LRRC9: variants seen among roughly 807,000 people sequenced by gnomAD.
The protein encoded by LRRC9 is leucine-rich repeat-containing protein 9.
In LRRC9, 122 loss-of-function variants were observed where a neutral mutation model predicts 63.2. The ratio of observed to expected loss-of-function variants is 1.93; its 90% CI spans 1.67 to 2.24. The LOEUF (loss-of-function observed/expected upper bound fraction) is 2.24. Among genes scored for constraint, LRRC9 ranks in the 30% most tolerant of loss-of-function variants. LRRC9 has a pLI of 0.00. For missense variants in LRRC9, 1,071 were observed against 627.7 expected (o/e 1.71, Z -7.55); for synonymous variants, 366 against 213.1 (o/e 1.72, Z -6.25).
At position 59,924,458 on chromosome 14, in the gene LRRC9, G is replaced by A. The variant is rs564828755; in HGVS notation, c.-33-3453G>A. ...TGGAGTAAAGATGAAATTGCCAATG[G>A]GAAGCAGGGAAGGAATGCGCGGCAT... is the stretch of plus-strand genomic sequence containing the variant. On this transcript the variant is annotated intron_variant, in intron 1 of 31. Transcript: ENST00000445360. Among the ~76,000 whole-genome samples, 57 of 152,160 alleles carry A rather than the reference G, an allele frequency of 3.7e-4. 1 individual carries two copies. In the South Asian group the frequency reaches 0.012, roughly 32 times the overall value.
intron 3 of LRRC9, 98 bp downstream of exon 3, chr14:59,928,584 A>G: frequency 2.3e-6 from 1 of 439,726 alleles, no homozygotes. Flanking sequence ...GGCATGGGTT[A>G]AGACAGATAA....
At chr14:59,973,271 T>G (rs563876181) in intron 12 of LRRC9, among the ~76,000 whole-genome samples, 1 of 152,230 alleles carries the variant, frequency 6.6e-6, no homozygotes, top group South Asian at 2.1e-4. Flanking sequence ...GCCTTGTATT[T>G]TTTAAATTAT....
chr14:60,025,623 G>T (rs1463931952), intron 27 of LRRC9, among the ~76,000 whole-genome samples: 1 of 149,094 alleles, frequency 6.7e-6, no homozygotes, highest in African/African-American at 2.5e-5. Context: ...TACATAGATT[G>T]TCATATTTAA....
At position 60,055,080 on chromosome 14, in the gene LRRC9, CTT is replaced by C. The variant is rs932210053; in HGVS notation, c.4131+1878_4131+1879del. On this transcript the variant is annotated intron_variant, in intron 30 of 31. Transcript: ENST00000445360. ...CGGCCCCCTTACTTTTTTATTAACT[CTT>C]TTAAAATTAATCTTGACATTTTTTG... 2.6e-5 allele frequency among the ~76,000 whole-genome samples: 4 copies of C among 152,256 alleles called. No homozygotes were observed. In the South Asian group the frequency reaches 6.2e-4, roughly 24 times the overall value.
intron 17 of LRRC9, among the ~76,000 whole-genome samples, chr14:59,994,612 A>G (rs1480307201): frequency 6.6e-6 from 1 of 152,224 alleles, no homozygotes; most frequent in East Asian, 1.9e-4. Flanking sequence ...GAACCAACCC[A>G]AATGTCCAAC....
At chr14:59,989,232 T>A (rs1406732409) in intron 17 of LRRC9, among the ~76,000 whole-genome samples, 1 of 152,104 alleles carries the variant, frequency 6.6e-6, no homozygotes, top group Non-Finnish European at 1.5e-5. Flanking sequence ...TTGAATTTTT[T>A]AATCAATTTT....
At chr14:59,921,546 G>T (rs149913200) in intron 1 of LRRC9, among the ~76,000 whole-genome samples, 1 of 152,114 alleles carries the variant, frequency 6.6e-6, no homozygotes, top group Non-Finnish European at 1.5e-5. Flanking sequence ...TCAAAGATTG[G>T]TTGAGGATAA....
At chr14:60,048,447 G>A (rs1893617758) in intron 29 of LRRC9, among the ~76,000 whole-genome samples, 1 of 152,016 alleles carries the variant, frequency 6.6e-6, no homozygotes, top group East Asian at 1.9e-4. Context: ...ATCTAAAATT[G>A]TAAGGGGAAT....
At chr14:60,045,299 T>C (rs189526574) in intron 29 of LRRC9, among the ~76,000 whole-genome samples, 6 of 152,292 alleles carry the variant, frequency 3.9e-5, no homozygotes, top group Admixed American at 3.3e-4. Context: ...CAGGAGTACA[T>C]GTGCAGGATG....
intron 12 of LRRC9, among the ~76,000 whole-genome samples, chr14:59,969,603 G>A (rs572422357): frequency 6.6e-6 from 1 of 152,272 alleles, no homozygotes; most frequent in African/African-American, 2.4e-5. Flanking sequence ...ACAGGCAGAG[G>A]GCTGGCCATA....
chr14:59,935,037 TC>T (rs1434662679), intron 6 of LRRC9, among the ~76,000 whole-genome samples: 2 of 150,976 alleles, frequency 1.3e-5, no homozygotes, highest in Admixed American at 6.6e-5. Context: ...TATAATCCTG[TC>T]ACTTTGGGAG....
In LRRC9 at chr14:59,938,875, A is replaced by G. The variant is rs1307490684; in HGVS notation, c.726+303A>G. On this transcript the variant is annotated intron_variant, in intron 7 of 31. Transcript: ENST00000445360. The surrounding 1 kb of genome is among the most constrained non-coding windows in gnomAD (Gnocchi z 4.2). ...TTAAAAATAGACTAGTGCCATATAT[A>G]TATACACACATATATACACATATAT... Among the ~76,000 whole-genome samples the G allele has an allele frequency of 6.8e-6, 1 of 147,158 alleles. No homozygotes were observed. The highest frequency in any genetic ancestry group is 1.5e-5 in the Non-Finnish European group (1 of 67,126).
intron 31 of LRRC9, 60 bp downstream of exon 32, chr14:60,062,239 T>C: frequency 5.0e-6 from 2 of 397,708 alleles, no homozygotes; most frequent in Non-Finnish European, 8.9e-6. Context: ...GTACTCTCCA[T>C]ATTTGCTAGT....
At position 59,962,415 on chromosome 14, in the gene LRRC9, T is replaced by C. The variant is rs1884439987; in HGVS notation, c.1211+1370T>C. On this transcript the variant is annotated intron_variant, in intron 10 of 31. Coordinates refer to ENST00000445360, the Ensembl canonical transcript of LRRC9. The surrounding 1 kb of genome is among the most constrained non-coding windows in gnomAD (Gnocchi z 5.1). ...TTCACTCAACCTAAACAGGATTTTT[T>C]TTTTTTGAGATAGAGTCTCGCTGTG... Among the ~76,000 whole-genome samples, 1 of 152,148 alleles carries C rather than the reference T, an allele frequency of 6.6e-6. No homozygotes were observed. Among genetic ancestry groups the C allele is most frequent in the African/African-American group, 2.4e-5 (1 of 41,420 alleles).
At chr14:59,957,296 C>T (rs1416878950) in intron 8 of LRRC9, among the ~76,000 whole-genome samples, 1 of 152,112 alleles carries the variant, frequency 6.6e-6, no homozygotes, top group Non-Finnish European at 1.5e-5. Flanking sequence ...TTCACATAGT[C>T]CCATATTTCT....
intron 23 of LRRC9, among the ~76,000 whole-genome samples, chr14:60,010,809 G>A (rs1168661377): frequency 1.3e-5 from 2 of 152,280 alleles, no homozygotes; most frequent in Non-Finnish European, 2.9e-5. Flanking sequence ...TGCATAGCAA[G>A]AGTGATCTTT....
Position 60,003,470 on chromosome 14 carries a change from T to G in LRRC9, c.2665-151T>G. 3.7e-6 allele frequency: 2 copies of G among 533,794 alleles called. No homozygotes were observed. Among genetic ancestry groups the G allele is most frequent in the Non-Finnish European group, 3.3e-6 (1 of 306,510 alleles). 33.1% of individuals were successfully genotyped at this position (533,794 alleles called of 1,614,324 possible). ...CGTCAAATTTTACTTTTCTGTAAAC[T>G]GACAGCTTCACAATATCTTTAGCTC... On this transcript the variant is annotated intron_variant, in intron 20 of 31. Transcript: ENST00000445360. This position sits in a 1 kb window ranked among gnomAD's most constrained non-coding sequence, Gnocchi z 4.2.
chr14:60,005,667 T>C (rs1889750448), intron 21 of LRRC9, among the ~76,000 whole-genome samples: 1 of 152,152 alleles, frequency 6.6e-6, no homozygotes, highest in Non-Finnish European at 1.5e-5. Flanking sequence ...TTTCCAAACA[T>C]TATTCCATTT....
rs999918069 is a variant in LRRC9 at position 60,053,179 on chromosome 14, G to A, written c.4105G>A (p.Ala1369Thr). ...TAGGGCAAAAGCTGAATTTCACCTC[G>A]CTGAACTACAAGCAAAGAAAAACTC... The change falls in exon 30 of 32, where the codon GCT (alanine) becomes ACT (threonine). Residue 1369 changes from alanine to threonine, a missense_variant. By Grantham distance (58) the Ala-to-Thr change is moderately conservative (BLOSUM62 0). Transcript: ENST00000445360. The surrounding 1 kb of genome is among the most constrained non-coding windows in gnomAD (Gnocchi z 4.8). 8.6e-6 allele frequency: 6 copies of A among 699,712 alleles called. No homozygotes were observed. Among genetic ancestry groups the A allele is most frequent in the African/African-American group, 3.5e-5 (2 of 57,144 alleles). The allele number at this position is 699,712 out of a possible 1,614,324, so 43.3% of individuals were successfully genotyped here.
Sources: allele counts gnomAD v4.1 joint callset (sites outside exome capture counted in the v4.1 genomes callset), GRCh38; gene constraint gnomAD v4.1.1; non-coding constraint Gnocchi (gnomAD v3.1); transcripts MANE v1.5; gene names NCBI Gene and HGNC (gene_info 2026-07-23, HGNC 2026-07-21).